The following AKT3 variants were observed in gnomAD, a reference collection of about 807,000 sequenced individuals.
AKT3 encodes the protein RAC-gamma serine/threonine-protein kinase.
AKT3 carries 15 observed loss-of-function variants against 65.3 expected under a neutral mutation model. The observed-to-expected ratio is 0.23, with a 90% CI of 0.15 to 0.35. The LOEUF is 0.35. Ranked by LOEUF, AKT3 falls within the 10% of genes least tolerant of loss-of-function variation. The pLI, the probability that AKT3 is intolerant of heterozygous loss-of-function variation, is 1.00. For synonymous variants in AKT3, 206 were observed against 183.8 expected, an observed-to-expected ratio of 1.12 and a Z score of -0.98; for missense variants, 243 against 576.5, an observed-to-expected ratio of 0.42 and a Z score of 5.92.
intron 2 of AKT3, among the ~76,000 whole-genome samples, chr1:243,752,390 C>T (rs1051644421): frequency 6.6e-6 from 1 of 152,084 alleles, no homozygotes; most frequent in Middle Eastern, 3.2e-3. Flanking sequence ...CTAATTCAGC[C>T]TTTTTGTGGT....
At chr1:243,811,854 C>G (rs1388949121) in intron 2 of AKT3, among the ~76,000 whole-genome samples, 1 of 152,128 alleles carries the variant, frequency 6.6e-6, no homozygotes, top group African/African-American at 2.4e-5. Flanking sequence ...ACAGAGCCCT[C>G]AGAAATAATA....
chr1:243,802,506 T>A lies in AKT3; in HGVS notation c.46+40619A>T, dbSNP rs1003580164. On this transcript the variant is annotated intron_variant, in intron 2 of 13. Transcript: ENST00000673466. The stretch of plus-strand genomic sequence containing the variant: ...TGCATTTTTACTGTAAACTTTCCAG[T>A]CATTATTGTTGTTCTTAAAGTTTAG... Among the ~76,000 whole-genome samples, 4 of 152,180 alleles carry A rather than the reference T, an allele frequency of 2.6e-5. No individual in the cohort carries two copies. In the South Asian group the frequency reaches 8.3e-4, roughly 31 times the overall value.
intron 12 of AKT3, among the ~76,000 whole-genome samples, chr1:243,523,829 C>T (rs1414550909): frequency 6.6e-6 from 1 of 152,192 alleles, no homozygotes; most frequent in Non-Finnish European, 1.5e-5. Flanking sequence ...TGTAAGCAAC[C>T]GTTTGAAGAC....
intron 13 of AKT3, among the ~76,000 whole-genome samples, chr1:243,493,963 G>A (rs553101871): frequency 6.6e-6 from 1 of 152,086 alleles, no homozygotes; most frequent in African/African-American, 2.4e-5. Context: ...GCTGCAAGGC[G>A]GAGCTGCTGC....
At chr1:243,689,290 T>C (rs758606421) in intron 3 of AKT3, among the ~76,000 whole-genome samples, 2 of 152,086 alleles carry the variant, frequency 1.3e-5, no homozygotes, top group Non-Finnish European at 1.5e-5. Flanking sequence ...TTATATAGTA[T>C]ATATTTACAT....
intron 3 of AKT3, among the ~76,000 whole-genome samples, chr1:243,665,698 GAATT>G (rs1348602561): frequency 6.6e-6 from 1 of 152,138 alleles, no homozygotes; most frequent in African/African-American, 2.4e-5. Context: ...ATTGATGTAG[GAATT>G]AATAATAAGT....
At chr1:243,642,514 T>A (rs550921261) in intron 5 of AKT3, among the ~76,000 whole-genome samples, 1 of 152,206 alleles carries the variant, frequency 6.6e-6, no homozygotes, top group South Asian at 2.1e-4. Context: ...TTTCACCGTG[T>A]TAGCCAGGAT....
intron 5 of AKT3, among the ~76,000 whole-genome samples, chr1:243,642,600 C>G (rs546263007): frequency 6.6e-6 from 1 of 152,204 alleles, no homozygotes; most frequent in Admixed American, 6.5e-5. Flanking sequence ...TGAGCCACCA[C>G]GCCCAGCCAC....
chr1:243,583,540 C>CAAAAAAAAAAAAAAAAA (rs1294857854), intron 8 of AKT3, among the ~76,000 whole-genome samples: 19 of 29,782 alleles, frequency 6.4e-4, no homozygotes, highest in East Asian at 1.7e-3. Flanking sequence ...AAGTAAGTCT[C>CAAAAAAAAAAAAAAAAA]AAAAAAAAAA....
At chr1:243,590,296 A>G (rs187974985) in intron 8 of AKT3, among the ~76,000 whole-genome samples, 68 of 152,320 alleles carry the variant, frequency 4.5e-4, no homozygotes, top group South Asian at 1.0e-3. Flanking sequence ...TCACTAATTC[A>G]ATTGTGGCAA....
chr1:243,758,989 CTTAAG>C (rs1045609658), intron 2 of AKT3, among the ~76,000 whole-genome samples: 49 of 152,258 alleles, frequency 3.2e-4, no homozygotes, highest in Admixed American at 1.5e-3. Context: ...ATCATTCTGA[CTTAAG>C]TTAAGTAGGA....
chr1:243,494,694 G>T (rs1489981616), intron 13 of AKT3, among the ~76,000 whole-genome samples: 1 of 152,214 alleles, frequency 6.6e-6, no homozygotes, highest in Non-Finnish European at 1.5e-5. Flanking sequence ...TGGGAGAAAA[G>T]TCAATTGAAT....
At chr1:243,665,854 G>A (rs1179464225) in intron 3 of AKT3, among the ~76,000 whole-genome samples, 1 of 152,044 alleles carries the variant, frequency 6.6e-6, no homozygotes, top group African/African-American at 2.4e-5. Flanking sequence ...TGCTGACTCT[G>A]CTCTTTTGGA....
chr1:243,668,246 A>G (rs1248876736), intron 3 of AKT3, among the ~76,000 whole-genome samples: 3 of 152,350 alleles, frequency 2.0e-5, no homozygotes, highest in Admixed American at 6.5e-5. Flanking sequence ...TGATGCTACC[A>G]AAAGATAATT....
At chr1:243,609,334 CTGTGTGTGTGTGTG>C (rs72249798) in intron 8 of AKT3, among the ~76,000 whole-genome samples, 7 of 148,170 alleles carry the variant, frequency 4.7e-5, no homozygotes, top group South Asian at 4.3e-4. Context: ...TTTTCATTTT[CTGTGTGTGTGTGTG>C]TGTGTGTGTG....
intron 2 of AKT3, among the ~76,000 whole-genome samples, chr1:243,817,716 G>C (rs1693614562): frequency 6.6e-6 from 1 of 152,226 alleles, no homozygotes; most frequent in African/African-American, 2.4e-5. Flanking sequence ...CTCCAGATGG[G>C]TGATAGAGTG....
rs993323556 is a variant in AKT3, at chr1:243,567,487, C to CTT, written c.820-3641_820-3640dup. Among the ~76,000 whole-genome samples the CTT allele has an allele frequency of 2.8e-3, 338 of 122,284 alleles. 2 individuals are homozygous for CTT. Among genetic ancestry groups the CTT allele is most frequent in the African/African-American group, 7.7e-3 (246 of 31,752 alleles). The allele number at this position is 122,284 out of a possible 152,430, so 80.2% of individuals were successfully genotyped here. ...CCTGCTAGTTTTTGTTTGTTTCTTC[C>CTT]TTTTTTTTTTTTTTTTTTTTTTTAA... On this transcript the variant is annotated intron_variant, in intron 9 of 13. Transcript: ENST00000673466.
At chr1:243,691,390 G>C (rs898019758) in intron 3 of AKT3, among the ~76,000 whole-genome samples, 1 of 152,130 alleles carries the variant, frequency 6.6e-6, no homozygotes, top group Non-Finnish European at 1.5e-5. Flanking sequence ...GCTTTCACAG[G>C]GGAATGGCAT....
In AKT3 at chr1:243,700,795, C is replaced by T. The variant is rs1255251726; in HGVS notation, c.47-5079G>A. Among the ~76,000 whole-genome samples, 6 of 152,184 alleles carry T rather than the reference C, an allele frequency of 3.9e-5. No individual in the cohort carries two copies. In the East Asian group the frequency reaches 1.2e-3, roughly 29 times the overall value. Reference sequence around the variant, plus strand: ...GGGATTACAGGCGTGAGCCACTGCGCCCGGCCAGGCTTAGTCTTTAATAAC... The same window carrying T: ...GGGATTACAGGCGTGAGCCACTGCGTCCGGCCAGGCTTAGTCTTTAATAAC... On this transcript the variant is annotated intron_variant, in intron 2 of 13. Coordinates refer to ENST00000673466, the MANE Select transcript of AKT3 (RefSeq NM_005465.7).
Sources: allele counts gnomAD v4.1 joint callset (sites outside exome capture counted in the v4.1 genomes callset), GRCh38; gene constraint gnomAD v4.1.1; transcripts MANE v1.5; gene names NCBI Gene and HGNC (gene_info 2026-07-23, HGNC 2026-07-21).